Variants in FSTL4 observed in about 807,000 individuals in gnomAD.
FSTL4 encodes follistatin like 4.
In FSTL4, 28 loss-of-function variants were observed where a neutral mutation model predicts 78.2. That is an observed-to-expected ratio of 0.36 (90% CI 0.27 to 0.49). FSTL4 has a LOEUF of 0.49. Ranked by LOEUF, FSTL4 falls within the 20% of genes least tolerant of loss-of-function variation. The pLI, the probability that FSTL4 is intolerant of heterozygous loss-of-function variation, is 0.98. For synonymous variants in FSTL4, 422 were observed against 440.5 expected, an observed-to-expected ratio of 0.96 and a Z score of 0.53; for missense variants, 922 against 1,084.9, an observed-to-expected ratio of 0.85 and a Z score of 2.11.
intron 4 of FSTL4, among the ~76,000 whole-genome samples, chr5:133,398,912 A>T (rs1378873151): frequency 6.6e-6 from 1 of 152,156 alleles, no homozygotes; most frequent in South Asian, 2.1e-4. Context: ...GAAAACCTCA[A>T]TGAGTCAGAA....
At chr5:133,749,552 G>A in the FSTL4 span, among the ~76,000 whole-genome samples, 1 of 152,208 alleles carries the variant, frequency 6.6e-6, no homozygotes, top group African/African-American at 2.4e-5. Context: ...AACAGCCATG[G>A]GCTGAAAGCA....
chr5:133,269,315 T>G (rs1561650855), intron 6 of FSTL4, among the ~76,000 whole-genome samples: 1 of 151,736 alleles, frequency 6.6e-6, no homozygotes, highest in East Asian at 1.9e-4. Context: ...AATACCTGTG[T>G]GGTGTTTGTA....
chr5:133,352,218 C>T (rs577745249), intron 4 of FSTL4, among the ~76,000 whole-genome samples: 3 of 150,172 alleles, frequency 2.0e-5, no homozygotes, highest in South Asian at 4.2e-4. Flanking sequence ...TTAGTCCCCA[C>T]GTCTTTTGTT....
rs552840276 is a variant in FSTL4 at position 133,480,428 on chromosome 5, C to T, written c.161-79442G>A. Among the ~76,000 whole-genome samples, 11 of 152,278 alleles carry T rather than the reference C, an allele frequency of 7.2e-5. No homozygotes were observed. The South Asian group carries it at 1.0e-3, about 14-fold the overall frequency. On this transcript the variant is annotated intron_variant, in intron 3 of 15. Coordinates refer to ENST00000265342, the MANE Select transcript of FSTL4 (RefSeq NM_015082.2). ...ACCAAAGTGCTTCATGGTCATCCTG[C>T]GGCACTGAAGGTGAGAGGTGTGGGT...
chr5:133,759,120 CA>C, the FSTL4 span, among the ~76,000 whole-genome samples: 1 of 152,096 alleles, frequency 6.6e-6, no homozygotes, highest in Non-Finnish European at 1.5e-5. Context: ...AAAAAACGTG[CA>C]AGGGTATTTT....
At chr5:133,370,789 T>G (rs1170926971) in intron 4 of FSTL4, among the ~76,000 whole-genome samples, 1 of 150,514 alleles carries the variant, frequency 6.6e-6, no homozygotes, top group South Asian at 2.1e-4. Flanking sequence ...GCAGAGGGGG[T>G]GGTTTCAGGA....
intron 4 of FSTL4, among the ~76,000 whole-genome samples, chr5:133,368,807 A>G (rs1257616483): frequency 6.6e-6 from 1 of 152,190 alleles, no homozygotes; most frequent in Non-Finnish European, 1.5e-5. Flanking sequence ...GGACCCTCCA[A>G]GCCAAAGTCT....
intron 3 of FSTL4, among the ~76,000 whole-genome samples, chr5:133,557,094 CA>C (rs1759803743): frequency 6.6e-6 from 1 of 152,182 alleles, no homozygotes; most frequent in African/African-American, 2.4e-5. Flanking sequence ...GGCAAAAGAA[CA>C]AGGTGAAAGA....
intron 4 of FSTL4, among the ~76,000 whole-genome samples, chr5:133,396,147 C>T (rs1756037812): frequency 6.6e-6 from 1 of 152,202 alleles, no homozygotes; most frequent in Non-Finnish European, 1.5e-5. Flanking sequence ...AGAGTTGTCA[C>T]ATAAATGGGC....
chr5:133,260,658 C>G (rs1472229651), intron 6 of FSTL4, among the ~76,000 whole-genome samples: 1 of 152,246 alleles, frequency 6.6e-6, no homozygotes, highest in African/African-American at 2.4e-5. Flanking sequence ...TGATCAGACT[C>G]TGTTTCCCAC....
chr5:133,506,981 G>A (rs995219440), intron 3 of FSTL4, among the ~76,000 whole-genome samples: 1 of 152,208 alleles, frequency 6.6e-6, no homozygotes, highest in Non-Finnish European at 1.5e-5. Context: ...GGAGGCCAAG[G>A]TGGATTACCT....
chr5:133,309,812 C>A (rs1753735354), intron 6 of FSTL4, among the ~76,000 whole-genome samples: 1 of 152,222 alleles, frequency 6.6e-6, no homozygotes, highest in African/African-American at 2.4e-5. Flanking sequence ...ACAGACCTCA[C>A]CCTGCCTTAT....
the FSTL4 span, among the ~76,000 whole-genome samples, chr5:133,772,984 T>C: frequency 2.0e-5 from 3 of 152,028 alleles, no homozygotes; most frequent in African/African-American, 7.2e-5. Context: ...GCACCTAATA[T>C]ATAAAAAGCA....
the FSTL4 span, among the ~76,000 whole-genome samples, chr5:133,618,610 C>CAG: frequency 6.6e-6 from 1 of 152,206 alleles, no homozygotes; most frequent in Non-Finnish European, 1.5e-5. Context: ...GCCTTGGACA[C>CAG]CAGTCCTAGC....
Position 133,208,950 on chromosome 5 carries a change from C to T in FSTL4, c.1716+1241G>A, listed in dbSNP as rs142206087. On this transcript the variant is annotated intron_variant, in intron 14 of 15. Transcript: ENST00000265342. ...CCTCCCAAAGTGCTGGGATTACAGG[C>T]GTGAGCCACTGTGCCTGTTCACATT... is the stretch of plus-strand genomic sequence containing the variant. Among the ~76,000 whole-genome samples, 608 of 152,290 alleles carry T rather than the reference C, an allele frequency of 4.0e-3. 4 individuals are homozygous for T. The highest frequency in any genetic ancestry group is 6.6e-3 in the Non-Finnish European group (447 of 68,022).
chr5:133,563,128 C>T lies in FSTL4; in HGVS notation c.160+4058G>A, dbSNP rs548968115. ...CCAGGCATGAATATCCAGGGTCATA[C>T]GGAACTGTCCTGAAGGAGGAATGGC... On this transcript the variant is annotated intron_variant, in intron 3 of 15. Coordinates refer to ENST00000265342, the MANE Select transcript of FSTL4 (RefSeq NM_015082.2). Among the ~76,000 whole-genome samples the T allele has an allele frequency of 1.1e-4, 17 of 152,264 alleles. No individual in the cohort carries two copies. The East Asian group carries it at 1.4e-3, about 12-fold the overall frequency.
intron 6 of FSTL4, among the ~76,000 whole-genome samples, chr5:133,289,990 C>T (rs572446081): frequency 5.9e-5 from 9 of 152,260 alleles, no homozygotes; most frequent in South Asian, 2.1e-4. Flanking sequence ...GAGAGTGTGC[C>T]GGGAGTGAGG....
At chr5:133,833,565 C>T in the FSTL4 span, among the ~76,000 whole-genome samples, 1 of 152,150 alleles carries the variant, frequency 6.6e-6, no homozygotes, top group African/African-American at 2.4e-5. Context: ...GGGCTTTCTC[C>T]TCATCTGTCT....
intron 3 of FSTL4, among the ~76,000 whole-genome samples, chr5:133,452,131 C>T (rs1288842490): frequency 6.6e-6 from 1 of 152,254 alleles, no homozygotes; most frequent in Non-Finnish European, 1.5e-5. Flanking sequence ...GCCCTCCCAA[C>T]TTGGCAGAAG....
Sources: gnomAD v4.1 joint callset for allele counts (sites outside exome capture counted in the v4.1 genomes callset) on GRCh38, gnomAD v4.1.1 for gene constraint, MANE v1.5 for transcripts, NCBI Gene and HGNC (gene_info 2026-07-23, HGNC 2026-07-21) for gene names.